Variants in LARS2 observed in about 807,000 individuals in gnomAD.
The protein encoded by LARS2 is leucine--tRNA ligase, mitochondrial.
Under a neutral mutation model 116.6 loss-of-function variants are expected in LARS2, and 81 were observed. The ratio of observed to expected loss-of-function variants is 0.69; its 90% confidence interval spans 0.58 to 0.84. The LOEUF (loss-of-function observed/expected upper bound fraction) is 0.84, where lower values mean the gene tolerates loss of function less well. Among genes scored for constraint, LARS2 ranks in the 40% least tolerant of loss-of-function variants. LARS2 has a pLI of 0.00. For missense variants in LARS2, 968 were observed against 1,114.5 expected (o/e 0.87, Z 1.87); for synonymous variants, 396 against 407.2 (o/e 0.97, Z 0.33).
rs577683540 is a variant in LARS2 at position 45,426,884 on chromosome 3, A to C, written c.516+7155A>C. 5.3e-5 allele frequency among the ~76,000 whole-genome samples: 8 copies of C among 152,244 alleles called. No homozygotes were observed. In the East Asian group the frequency reaches 1.2e-3, roughly 22 times the overall value. ...CAGGTCATCCCCATCAAGGATGTAC[A>C]CTCTGGCTAATAGAATAGAATTTCC... On this transcript the variant is annotated intron_variant, in intron 6 of 21. Transcript: ENST00000645846.
intron 3 of LARS2, among the ~76,000 whole-genome samples, chr3:45,398,766 C>T (rs1698093585): frequency 6.6e-6 from 1 of 152,154 alleles, no homozygotes; most frequent in Non-Finnish European, 1.5e-5. Context: ...GGCCAACGAA[C>T]ATTTATCCAA....
intron 1 of LARS2, among the ~76,000 whole-genome samples, chr3:45,389,612 T>C (rs1419226233): frequency 6.6e-6 from 1 of 151,830 alleles, no homozygotes; most frequent in African/African-American, 2.4e-5. Flanking sequence ...TAAAGAGGGG[T>C]GGAGTAGTGG....
At chr3:45,487,912 G>A (rs945931262) in intron 11 of LARS2, among the ~76,000 whole-genome samples, 1 of 152,132 alleles carries the variant, frequency 6.6e-6, no homozygotes, top group Admixed American at 6.6e-5. Flanking sequence ...TACTTAGAAT[G>A]TACTATTGCC....
chr3:45,427,146 A>C (rs1333164129), intron 6 of LARS2, among the ~76,000 whole-genome samples: 1 of 152,234 alleles, frequency 6.6e-6, no homozygotes, highest in Non-Finnish European at 1.5e-5. Context: ...CCTCCAGATC[A>C]GTCTTCTACA....
chr3:45,431,189 G>C (rs890722816), intron 6 of LARS2, among the ~76,000 whole-genome samples: 2 of 152,160 alleles, frequency 1.3e-5, no homozygotes, highest in African/African-American at 4.8e-5. Context: ...AACCCAATCA[G>C]CCAGCCCCTT....
At chr3:45,522,608 C>G (rs1251253070) in intron 19 of LARS2, among the ~76,000 whole-genome samples, 1 of 151,966 alleles carries the variant, frequency 6.6e-6, no homozygotes, top group Non-Finnish European at 1.5e-5. Flanking sequence ...TGGTGCACAC[C>G]TGTGCACCTG....
intron 20 of LARS2, among the ~76,000 whole-genome samples, chr3:45,532,987 C>T (rs1262421671): frequency 1.3e-5 from 2 of 152,012 alleles, no homozygotes; most frequent in African/African-American, 2.4e-5. Flanking sequence ...AAGATCTTAA[C>T]TTGTTCCTTG....
chr3:45,462,877 C>T (rs1207141533), intron 8 of LARS2, among the ~76,000 whole-genome samples: 1 of 152,204 alleles, frequency 6.6e-6, no homozygotes, highest in Non-Finnish European at 1.5e-5. Context: ...ATGCTTTATT[C>T]AGGCTGTTCT....
intron 2 of LARS2, among the ~76,000 whole-genome samples, chr3:45,393,368 A>G (rs1697989908): frequency 6.6e-6 from 1 of 151,936 alleles, no homozygotes; most frequent in Non-Finnish European, 1.5e-5. Flanking sequence ...TGAGGTCAGC[A>G]GTTCGACACC....
intron 20 of LARS2, among the ~76,000 whole-genome samples, chr3:45,527,671 AGG>A: frequency 6.6e-6 from 1 of 152,192 alleles, no homozygotes; most frequent in Non-Finnish European, 1.5e-5. Context: ...CACCTGAGCA[AGG>A]ATAAAGTTGT....
chr3:45,430,003 C>CT lies in LARS2; in HGVS notation c.516+10300dup, dbSNP rs66989698. ...AGGCATGAGCCACCATGCCCAGCCT[C>CT]TTTTTTTTTTTTTTTTTTTTTTTTT... is the stretch of plus-strand genomic sequence containing the variant. On this transcript the variant is annotated intron_variant, in intron 6 of 21. Transcript: ENST00000645846. Among the ~76,000 whole-genome samples the CT allele has an allele frequency of 4.2e-3, 238 of 56,944 alleles. 73 individuals are homozygous for CT. The highest frequency in any genetic ancestry group is 0.014 in the African/African-American group (177 of 13,088). The allele number at this position is 56,944 out of a possible 152,430, so 37.4% of individuals were successfully genotyped here. A position where few individuals can be genotyped will look rare whatever the true frequency, so the allele number is the denominator to read the frequency against.
chr3:45,414,743 A>AT (rs1698387871), intron 4 of LARS2, among the ~76,000 whole-genome samples: 1 of 151,892 alleles, frequency 6.6e-6, no homozygotes, highest in African/African-American at 2.4e-5. Context: ...AAAAAAAAAA[A>AT]GGCAGCAAAA....
rs13077153 is a variant in LARS2 at position 45,400,950 on chromosome 3, A to C, written c.363+577A>C. On this transcript the variant is annotated intron_variant, in intron 4 of 21. Transcript: ENST00000645846. ...TGCCTCAGCCTCCCGAGTAGCTGGG[A>C]CTACAGGTGCCCACCACCACGCCTG... Among the ~76,000 whole-genome samples, 777 of 151,788 alleles carry C rather than the reference A, an allele frequency of 5.1e-3. 7 individuals carry two copies. Among genetic ancestry groups the C allele is most frequent in the African/African-American group, 0.017 (687 of 41,404 alleles).
At chr3:45,392,674 A>T (rs904536946) in intron 2 of LARS2, among the ~76,000 whole-genome samples, 2 of 152,088 alleles carry the variant, frequency 1.3e-5, no homozygotes, top group African/African-American at 2.4e-5. Context: ...GTGAGAACTG[A>T]TAATGTCAAT....
At chr3:45,470,042 C>T (rs1207207017) in intron 8 of LARS2, among the ~76,000 whole-genome samples, 1 of 152,144 alleles carries the variant, frequency 6.6e-6, no homozygotes, top group African/African-American at 2.4e-5. Context: ...GATTATCCAC[C>T]CTTCCCTTAG....
chr3:45,491,476 C>T, intron 12 of LARS2, 41 bp from the exon 13 acceptor site: 1 of 1,598,896 alleles, frequency 6.3e-7, no homozygotes, highest in Non-Finnish European at 8.5e-7. Flanking sequence ...GTGACTGGTG[C>T]TATGCGGAGA....
chr3:45,456,366 T>C (rs548152832), intron 7 of LARS2, among the ~76,000 whole-genome samples: 1 of 152,318 alleles, frequency 6.6e-6, no homozygotes, highest in East Asian at 1.9e-4. Flanking sequence ...GCAGATCACC[T>C]GAGGTCAGGA....
intron 3 of LARS2, among the ~76,000 whole-genome samples, chr3:45,396,981 C>A (rs778167352): frequency 6.6e-6 from 1 of 152,198 alleles, no homozygotes; most frequent in African/African-American, 2.4e-5. Flanking sequence ...ACTGGGGCTC[C>A]GGATTCCTAT....
At chr3:45,516,362 G>A in intron 17 of LARS2, 86 bp downstream of exon 17, 1 of 1,301,042 alleles carries the variant, frequency 7.7e-7, no homozygotes, top group Non-Finnish European at 1.1e-6. Context: ...TGTCTTTGCT[G>A]AAGACAGTGG....
Sources: allele counts gnomAD v4.1 joint callset (sites outside exome capture counted in the v4.1 genomes callset), GRCh38; gene constraint gnomAD v4.1.1; transcripts MANE v1.5; gene names NCBI Gene and HGNC (gene_info 2026-07-23, HGNC 2026-07-21).